Variants in KIF3A observed in about 807,000 individuals in gnomAD.
The protein encoded by KIF3A is kinesin-like protein KIF3A.
In KIF3A, 27 loss-of-function variants were observed where a neutral mutation model predicts 92.6. That is an observed-to-expected ratio of 0.29 (90% CI 0.21 to 0.40). The LOEUF (loss-of-function observed/expected upper bound fraction) is 0.40. KIF3A is among the 10% of genes least tolerant of loss of function. The pLI is 1.00. For missense variants in KIF3A, 581 were observed against 872.6 expected (o/e 0.67, Z 4.21); for synonymous variants, 250 against 275.4 (o/e 0.91, Z 0.92).
At chr5:132,721,522 A>C (rs960682221) in intron 4 of KIF3A, 2 of 152,200 alleles carry the variant, frequency 1.3e-5, no homozygotes, top group African/African-American at 4.8e-5. Flanking sequence ...TAGACATCGA[A>C]GACAAATGAA....
At position 132,695,356 on chromosome 5, in the gene KIF3A, G is replaced by A. The variant is rs1206578171; in HGVS notation, c.*1278C>T. The A allele has an allele frequency of 6.6e-6, 1 of 152,128 alleles. No individual in the cohort carries two copies. Among genetic ancestry groups the A allele is most frequent in the East Asian group, 1.9e-4 (1 of 5,194 alleles). The allele number at this position is 152,128 out of a possible 1,614,324, so 9.4% of individuals were successfully genotyped here. A position where few individuals can be genotyped will look rare whatever the true frequency, so the allele number is the denominator to read the frequency against. On this transcript the variant is annotated 3_prime_UTR_variant, in exon 19 of 19. Transcript: ENST00000403231. ...CCAGCTAATTATTGTATTTGTACTG[G>A]AGACAGGGTTTCACCATGTTAGCCA...
chr5:132,701,650 T>C (rs1200422029), intron 15 of KIF3A, among the ~76,000 whole-genome samples: 1 of 152,070 alleles, frequency 6.6e-6, no homozygotes, highest in Admixed American at 6.6e-5. Context: ...ATGGTACAGG[T>C]TGCACAACAA....
chr5:132,712,635 C>T (rs1753467586), intron 8 of KIF3A, among the ~76,000 whole-genome samples: 1 of 152,148 alleles, frequency 6.6e-6, no homozygotes, highest in South Asian at 2.1e-4. Flanking sequence ...GAAACAGGAC[C>T]TTTGCAGTCT....
rs1752826028 is a variant in KIF3A, at chr5:132,696,138, T to G, written c.*496A>C. 1 of 152,816 alleles carries G rather than the reference T, an allele frequency of 6.5e-6. No individual in the cohort carries two copies. The highest frequency in any genetic ancestry group is 1.9e-4 in the East Asian group (1 of 5,344). The allele number at this position is 152,816 out of a possible 1,614,324, so 9.5% of individuals were successfully genotyped here. A position where few individuals can be genotyped will look rare whatever the true frequency, so the allele number is the denominator to read the frequency against. On this transcript the variant is annotated 3_prime_UTR_variant, in exon 19 of 19. Coordinates refer to ENST00000403231, the MANE Select transcript of KIF3A (RefSeq NM_001300791.2). ...CAACAAATGTTAGACAATTAGAATG[T>G]GTTCAAACAGGCTGGGTGGGTGTTA...
chr5:132,707,107 C>T (rs77844790), intron 10 of KIF3A, among the ~76,000 whole-genome samples: 3,031 of 150,410 alleles, frequency 0.02, 115 homozygotes, highest in African/African-American at 0.068. Flanking sequence ...CCAATACATC[C>T]GATTTCCCAA....
intron 4 of KIF3A, among the ~76,000 whole-genome samples, chr5:132,725,173 C>A (rs540727477): frequency 6.6e-6 from 1 of 151,668 alleles, no homozygotes; most frequent in Non-Finnish European, 1.5e-5. Flanking sequence ...CATGAAAGCA[C>A]AGAATTAATC....
chr5:132,701,466 T>C (rs1192796017), intron 15 of KIF3A, among the ~76,000 whole-genome samples: 1 of 127,458 alleles, frequency 7.8e-6, no homozygotes, highest in African/African-American at 3.2e-5. Context: ...ACCACTGCAC[T>C]CCAGCCTGGG....
chr5:132,699,831 G>A (rs547148993), intron 17 of KIF3A, among the ~76,000 whole-genome samples: 3 of 152,064 alleles, frequency 2.0e-5, no homozygotes, highest in Non-Finnish European at 4.4e-5. Context: ...CAAAGTGCTG[G>A]GATTACAGGC....
At chr5:132,703,915 G>A (rs144344850) in intron 11 of KIF3A, among the ~76,000 whole-genome samples, 2 of 151,332 alleles carry the variant, frequency 1.3e-5, no homozygotes, top group African/African-American at 4.8e-5. Context: ...AGATTAACAG[G>A]AAAGCCAAAT....
At position 132,700,104 on chromosome 5, in the gene KIF3A, G is replaced by A. The variant is rs1752981248; in HGVS notation, c.2007+112C>T. ...CCCAAAAGTATCAGCCCATTTTTCA[G>A]CAGAGCTGATTAACAGATATCAAGT... On this transcript the variant is annotated intron_variant, in intron 17 of 18. Coordinates refer to ENST00000403231, the MANE Select transcript of KIF3A (RefSeq NM_001300791.2). 6 of 657,298 alleles carry A rather than the reference G, an allele frequency of 9.1e-6. No homozygotes were observed. In the South Asian group the frequency reaches 9.8e-5, roughly 11 times the overall value. 40.7% of individuals were successfully genotyped at this position (657,298 alleles called of 1,614,324 possible).
chr5:132,713,164 A>C (rs1399373583), intron 8 of KIF3A, among the ~76,000 whole-genome samples: 5 of 151,258 alleles, frequency 3.3e-5, no homozygotes, highest in African/African-American at 1.2e-4. Flanking sequence ...TCAAAACAAA[A>C]AACAAACAAC....
At chr5:132,704,299 A>G (rs1261709288) in intron 11 of KIF3A, among the ~76,000 whole-genome samples, 1 of 151,962 alleles carries the variant, frequency 6.6e-6, no homozygotes, top group Admixed American at 6.6e-5. Context: ...CTGTCAAGAT[A>G]TATCATCATA....
In KIF3A at chr5:132,697,235, G is replaced by C. The variant is rs557236798; in HGVS notation, c.2133-553C>G. On this transcript the variant is annotated intron_variant, in intron 18 of 18. Transcript: ENST00000403231. ...AGCATCAATAAACCATTTAATGCATGTATTTGTCCATGTTTATGGCTACCA... is the reference window on the plus strand; with the variant it reads ...AGCATCAATAAACCATTTAATGCATCTATTTGTCCATGTTTATGGCTACCA... 1.4e-4 allele frequency among the ~76,000 whole-genome samples: 21 copies of C among 152,236 alleles called. No homozygotes were observed. The South Asian group carries it at 4.4e-3, about 32-fold the overall frequency.
downstream of KIF3A, among the ~76,000 whole-genome samples, chr5:132,691,594 A>AAG (rs1752666001): frequency 6.6e-6 from 1 of 151,860 alleles, no homozygotes; most frequent in Admixed American, 6.6e-5. Flanking sequence ...TATCAATGAG[A>AAG]AGAAGCACAT....
rs757209715 is a variant in KIF3A at position 132,711,781 on chromosome 5, A to C, written c.1130-724T>G. Among the ~76,000 whole-genome samples the C allele has an allele frequency of 2.1e-4, 32 of 152,278 alleles. 1 individual carries two copies. The South Asian group carries it at 2.5e-3, about 12-fold the overall frequency. On this transcript the variant is annotated intron_variant, in intron 8 of 18. Coordinates refer to ENST00000403231, the MANE Select transcript of KIF3A (RefSeq NM_001300791.2). ...AATCTGTATTTTTAAGAGACACAGA[A>C]CTGTCATGTAACAATGATCCCACTT...
chr5:132,709,022 G>A, intron 9 of KIF3A, 44 bp from the exon 10 acceptor site: 2 of 1,418,984 alleles, frequency 1.4e-6, no homozygotes, highest in Non-Finnish European at 1.9e-6. Flanking sequence ...AAAGAAAGAG[G>A]AAACAAGAAA....
chr5:132,696,609 T>C lies in KIF3A; in HGVS notation c.*25A>G. On this transcript the variant is annotated 3_prime_UTR_variant, in exon 19 of 19. Transcript: ENST00000403231. ...CAGGCATGAGAATATCACTAATTTT[T>C]ATTGTGACTTTAAGTCTGTAACATT... 1 of 1,486,766 alleles carries C rather than the reference T, an allele frequency of 6.7e-7. No homozygotes were observed. Among genetic ancestry groups the C allele is most frequent in the Non-Finnish European group, 9.4e-7 (1 of 1,066,966 alleles). 92.1% of individuals were successfully genotyped at this position (1,486,766 alleles called of 1,614,324 possible).
chr5:132,707,498 T>C (rs1473101764), intron 10 of KIF3A, among the ~76,000 whole-genome samples: 7 of 152,174 alleles, frequency 4.6e-5, no homozygotes, highest in Admixed American at 1.3e-4. Flanking sequence ...AAGAATTAAG[T>C]TTTAAAACAG....
chr5:132,698,337 GCT>G (rs1251459244), intron 18 of KIF3A, among the ~76,000 whole-genome samples: 3 of 152,068 alleles, frequency 2.0e-5, no homozygotes, highest in African/African-American at 7.2e-5. Context: ...AAAAAAATAA[GCT>G]CCAGCCCAGG....
Sources: gnomAD v4.1 joint callset for allele counts (sites outside exome capture counted in the v4.1 genomes callset) on GRCh38, gnomAD v4.1.1 for gene constraint, MANE v1.5 for transcripts, NCBI Gene and HGNC (gene_info 2026-07-23, HGNC 2026-07-21) for gene names.